Variants in LYPLAL1 observed in about 807,000 individuals in gnomAD.
The protein encoded by LYPLAL1 is lysophospholipase like 1.
LYPLAL1 carries 23 observed loss-of-function variants against 19.7 expected under a neutral mutation model. The ratio of observed to expected loss-of-function variants is 1.17; its 90% CI spans 0.84 to 1.65. LYPLAL1 has a LOEUF of 1.65. LYPLAL1 is among the 40% of genes most tolerant of loss of function. LYPLAL1 has a pLI of 0.00. For synonymous variants in LYPLAL1, 119 were observed against 96.3 expected (o/e 1.24, Z -1.38); for missense variants, 355 against 279.4 (o/e 1.27, Z -1.93).
At chr1:219,422,012 T>C in the LYPLAL1 span, among the ~76,000 whole-genome samples, 1 of 152,154 alleles carries the variant, frequency 6.6e-6, no homozygotes, top group African/African-American at 2.4e-5. Flanking sequence ...CTTCCAAAAG[T>C]GGTCAGTCAC....
At chr1:219,432,075 A>G in the LYPLAL1 span, among the ~76,000 whole-genome samples, 1 of 152,208 alleles carries the variant, frequency 6.6e-6, no homozygotes, top group Non-Finnish European at 1.5e-5. Flanking sequence ...TTGATTTAAG[A>G]AGACAATACC....
At chr1:219,178,629 ATGT>A (rs1244775902) in intron 1 of LYPLAL1, among the ~76,000 whole-genome samples, 1 of 152,146 alleles carries the variant, frequency 6.6e-6, no homozygotes, top group African/African-American at 2.4e-5. Flanking sequence ...TCATGTAAAC[ATGT>A]TGTCAAAATT....
the LYPLAL1 span, among the ~76,000 whole-genome samples, chr1:219,376,782 G>A: frequency 6.6e-6 from 1 of 152,260 alleles, no homozygotes; most frequent in Admixed American, 6.5e-5. Context: ...ACGATCATTA[G>A]AATGGGCAAT....
At chr1:219,408,146 A>G in the LYPLAL1 span, among the ~76,000 whole-genome samples, 2 of 152,184 alleles carry the variant, frequency 1.3e-5, no homozygotes, top group East Asian at 1.9e-4. Flanking sequence ...GAGTCTTATC[A>G]TCTCTCCCAA....
the LYPLAL1 span, among the ~76,000 whole-genome samples, chr1:219,237,898 A>G: frequency 8.5e-5 from 13 of 152,304 alleles, no homozygotes; most frequent in East Asian, 2.5e-3. Context: ...AGCATCTAGC[A>G]CAATCCCTGG....
At chr1:219,244,641 A>G in the LYPLAL1 span, among the ~76,000 whole-genome samples, 13 of 152,102 alleles carry the variant, frequency 8.5e-5, no homozygotes, top group African/African-American at 3.1e-4. Context: ...AAACCACAAT[A>G]TATGTTATAA....
chr1:219,235,675 TTATC>T, the LYPLAL1 span, among the ~76,000 whole-genome samples: 1 of 152,202 alleles, frequency 6.6e-6, no homozygotes, highest in South Asian at 2.1e-4. Flanking sequence ...AAGGCATTCA[TTATC>T]TATGTGAGCC....
intron 2 of LYPLAL1, among the ~76,000 whole-genome samples, chr1:219,190,760 A>C (rs1350125661): frequency 6.6e-6 from 1 of 151,662 alleles, no homozygotes; most frequent in Non-Finnish European, 1.5e-5. Flanking sequence ...AAACAAGAAA[A>C]AAATTGAAAT....
the LYPLAL1 span, among the ~76,000 whole-genome samples, chr1:219,247,136 A>G: frequency 6.6e-6 from 1 of 152,190 alleles, no homozygotes; most frequent in Admixed American, 6.5e-5. Flanking sequence ...TAAGCAAAAG[A>G]TTATTCTTTG....
the LYPLAL1 span, among the ~76,000 whole-genome samples, chr1:219,310,439 G>A: frequency 6.6e-6 from 1 of 152,166 alleles, no homozygotes; most frequent in Non-Finnish European, 1.5e-5. Flanking sequence ...TGAGTTGGAA[G>A]ACATGCCATA....
chr1:219,193,065 G>GT lies in LYPLAL1; in HGVS notation c.192-17_192-16insT. The GT allele has an allele frequency of 2.0e-6, 3 of 1,516,948 alleles. No homozygotes were observed. The highest frequency in any genetic ancestry group is 2.7e-6 in the Non-Finnish European group (3 of 1,125,774). The allele number at this position is 1,516,948 out of a possible 1,614,324, so 94.0% of individuals were successfully genotyped here. A position where few individuals can be genotyped will look rare whatever the true frequency, so the allele number is the denominator to read the frequency against. The stretch of plus-strand genomic sequence containing the variant: ...TTTTCCTTTCTTTTTTTTTGGGGGG[G>GT]GGCGGTTGTTAAACAGATCATATAC... On this transcript the variant is annotated splice_polypyrimidine_tract_variant and intron_variant, in intron 2 of 4. Coordinates refer to ENST00000366928, the MANE Select transcript of LYPLAL1 (RefSeq NM_138794.5).
At chr1:219,335,436 A>G in the LYPLAL1 span, among the ~76,000 whole-genome samples, 24 of 151,934 alleles carry the variant, frequency 1.6e-4, no homozygotes, top group African/African-American at 5.8e-4. Flanking sequence ...GTATATCTTC[A>G]CATACACATA....
the LYPLAL1 span, among the ~76,000 whole-genome samples, chr1:219,369,535 G>C: frequency 8.9e-4 from 135 of 152,366 alleles, 1 homozygote; most frequent in Non-Finnish European, 1.5e-4. Context: ...GCGTCCCAGA[G>C]TGCTGGGATT....
At chr1:219,304,491 G>A in the LYPLAL1 span, among the ~76,000 whole-genome samples, 2 of 152,154 alleles carry the variant, frequency 1.3e-5, no homozygotes, top group African/African-American at 2.4e-5. Context: ...TGATTTCATC[G>A]TCATGGCATC....
chr1:219,251,054 CAG>C, the LYPLAL1 span, among the ~76,000 whole-genome samples: 33 of 152,070 alleles, frequency 2.2e-4, no homozygotes, highest in African/African-American at 7.7e-4. Flanking sequence ...CTCTAATGAT[CAG>C]AGATAGTGAA....
chr1:219,184,702 T>A (rs992561807), intron 2 of LYPLAL1, among the ~76,000 whole-genome samples: 9 of 151,970 alleles, frequency 5.9e-5, no homozygotes, highest in African/African-American at 1.7e-4. Context: ...AGTCATGGTT[T>A]TTATCTTTCA....
chr1:219,260,023 A>G, the LYPLAL1 span, among the ~76,000 whole-genome samples: 1 of 152,018 alleles, frequency 6.6e-6, no homozygotes. Context: ...TATGAAATGA[A>G]TGAATTTGTT....
chr1:219,319,400 G>A, the LYPLAL1 span, among the ~76,000 whole-genome samples: 1 of 152,132 alleles, frequency 6.6e-6, no homozygotes, highest in African/African-American at 2.4e-5. Flanking sequence ...CTTCCTGGCT[G>A]TACTGGAACT....
chr1:219,430,439 A>T, the LYPLAL1 span, among the ~76,000 whole-genome samples: 1 of 152,166 alleles, frequency 6.6e-6, no homozygotes, highest in Non-Finnish European at 1.5e-5. Flanking sequence ...GTCTCTTTAA[A>T]GGCAGGAAGT....
Sources: gnomAD v4.1 joint callset for allele counts (sites outside exome capture counted in the v4.1 genomes callset) on GRCh38, gnomAD v4.1.1 for gene constraint, MANE v1.5 for transcripts, NCBI Gene and HGNC (gene_info 2026-07-23, HGNC 2026-07-21) for gene names.